The following KIF2A variants were observed in gnomAD, a reference collection of about 807,000 sequenced individuals.
KIF2A encodes the protein kinesin family member 2A.
A neutral mutation model predicts 100.2 loss-of-function variants in KIF2A; 22 were observed. The ratio of observed to expected loss-of-function variants is 0.22; its 90% confidence interval spans 0.16 to 0.31. The LOEUF (loss-of-function observed/expected upper bound fraction) is 0.31, where lower values mean the gene tolerates loss of function less well. KIF2A is among the 10% of genes least tolerant of loss of function. The pLI, the probability that KIF2A is intolerant of heterozygous loss-of-function variation, is 1.00. For synonymous variants in KIF2A, 268 were observed against 285.9 expected (o/e 0.94, Z 0.63); for missense variants, 495 against 898.7 (o/e 0.55, Z 5.74).
chr5:62,331,125 G>T (rs1746617652), intron 1 of KIF2A, among the ~76,000 whole-genome samples: 1 of 152,036 alleles, frequency 6.6e-6, no homozygotes, highest in African/African-American at 2.4e-5. Context: ...TTTTATAAAG[G>T]TCTAGGCTGG....
At chr5:62,340,607 C>T (rs1747245879) in intron 1 of KIF2A, among the ~76,000 whole-genome samples, 1 of 152,156 alleles carries the variant, frequency 6.6e-6, no homozygotes, top group Non-Finnish European at 1.5e-5. Flanking sequence ...TGGCATCATT[C>T]TCCCAGTCAT....
intron 1 of KIF2A, among the ~76,000 whole-genome samples, chr5:62,315,121 G>A (rs527552158): frequency 6.6e-6 from 1 of 151,996 alleles, no homozygotes; most frequent in Non-Finnish European, 1.5e-5. Flanking sequence ...TTTCCACTAT[G>A]GTGTCATGTT....
At chr5:62,310,070 C>A (rs10645782) in intron 1 of KIF2A, among the ~76,000 whole-genome samples, 74,729 of 142,724 alleles carry the variant, frequency 0.52, 19,869 homozygotes, top group South Asian at 0.65. Flanking sequence ...ACTAATAATT[C>A]TTTTTTTTTT....
chr5:62,389,175 C>A lies in KIF2A; in HGVS notation c.*3606C>A. 1 of 774,908 alleles carries A rather than the reference C, an allele frequency of 1.3e-6. No individual in the cohort carries two copies. Among genetic ancestry groups the A allele is most frequent in the Non-Finnish European group, 2.0e-6 (1 of 491,110 alleles). 48.0% of individuals were successfully genotyped at this position (774,908 alleles called of 1,614,324 possible). The stretch of plus-strand genomic sequence containing the variant: ...GCATGCTTACAGAGCCCACCCACTC[C>A]TAATACTAGTTATTAAAGAAACGTT... On this transcript the variant is annotated 3_prime_UTR_variant, in exon 21 of 21. Coordinates refer to ENST00000407818, the MANE Select transcript of KIF2A (RefSeq NM_001098511.3).
At chr5:62,308,419 C>A in intron 1 of KIF2A, 2 of 1,209,062 alleles carry the variant, frequency 1.7e-6, no homozygotes, top group South Asian at 1.3e-5. Context: ...GAGAGGAAAT[C>A]ACCACCTTGT....
Position 62,389,095 on chromosome 5 carries a change from T to C in KIF2A, c.*3526T>C, listed in dbSNP as rs1203622026. The C allele has an allele frequency of 1.3e-6, 2 of 1,542,532 alleles. No individual in the cohort carries two copies. The highest frequency in any genetic ancestry group is 2.3e-5 in the South Asian group (2 of 88,316). On this transcript the variant is annotated 3_prime_UTR_variant, in exon 21 of 21. Transcript: ENST00000407818. ...AATGGAATGGTACTGAAAAGCTAAT[T>C]TGTAGCACATAACGGTATATAGTTC...
intron 1 of KIF2A, among the ~76,000 whole-genome samples, chr5:62,324,237 C>T (rs1746250307): frequency 6.6e-6 from 1 of 151,986 alleles, no homozygotes; most frequent in Non-Finnish European, 1.5e-5. Context: ...AAAAACATTC[C>T]ATGATCATGG....
intron 1 of KIF2A, among the ~76,000 whole-genome samples, chr5:62,311,328 G>A (rs562746312): frequency 3.3e-5 from 5 of 152,168 alleles, no homozygotes; most frequent in East Asian, 1.9e-4. Flanking sequence ...AGGCACCAGC[G>A]AGCAGTGTTA....
Position 62,390,818 on chromosome 5 carries a change from A to G in KIF2A, c.*5249A>G, listed in dbSNP as rs558683005. 130 of 1,412,154 alleles carry G rather than the reference A, an allele frequency of 9.2e-5. No homozygotes were observed. The African/African-American group carries it at 1.4e-3, about 15-fold the overall frequency. 87.5% of individuals were successfully genotyped at this position (1,412,154 alleles called of 1,614,324 possible). On this transcript the variant is annotated 3_prime_UTR_variant, in exon 21 of 21. Coordinates refer to ENST00000407818, the MANE Select transcript of KIF2A (RefSeq NM_001098511.3). ...CGCTTAAAAGCCTTTAAAATCTCCA[A>G]TCTGAAGGTGTCACAGTAAAGAAAT...
At position 62,383,662 on chromosome 5, in the gene KIF2A, ATT is replaced by A. The variant is rs368400283; in HGVS notation, c.2150-1820_2150-1819del. Among the ~76,000 whole-genome samples, 1,003 of 152,132 alleles carry A rather than the reference ATT, an allele frequency of 6.6e-3. 18 individuals carry two copies. The highest frequency in any genetic ancestry group is 0.023 in the African/African-American group (956 of 41,488). ...CAGTGACTGTTGAACTAAAATTTTCATTTGTTTCTCATATTGTTCATATTCAA... is the reference window on the plus strand; with the variant it reads ...CAGTGACTGTTGAACTAAAATTTTCATGTTTCTCATATTGTTCATATTCAA... On this transcript the variant is annotated intron_variant, in intron 20 of 20. Transcript: ENST00000407818.
intron 1 of KIF2A, among the ~76,000 whole-genome samples, chr5:62,308,921 A>AATTC (rs3028784): frequency 2.0e-5 from 3 of 151,630 alleles, no homozygotes; most frequent in African/African-American, 7.3e-5. Flanking sequence ...TTGTTAAAGT[A>AATTC]TGTGAAATGA....
intron 1 of KIF2A, among the ~76,000 whole-genome samples, chr5:62,331,693 G>C (rs1746657021): frequency 6.6e-6 from 1 of 151,856 alleles, no homozygotes; most frequent in African/African-American, 2.4e-5. Flanking sequence ...TGTTCACTTT[G>C]GGGGAAGACT....
At chr5:62,325,016 A>C (rs1746292955) in intron 1 of KIF2A, among the ~76,000 whole-genome samples, 1 of 152,200 alleles carries the variant, frequency 6.6e-6, no homozygotes, top group South Asian at 2.1e-4. Context: ...CAGTCCCATT[A>C]AAAAATGGGC....
chr5:62,306,691 A>C (rs1027184111), intron 1 of KIF2A, among the ~76,000 whole-genome samples, 155 bp downstream of exon 1: 3 of 151,924 alleles, frequency 2.0e-5, no homozygotes, highest in Admixed American at 2.0e-4. Flanking sequence ...CGTGTGTGCC[A>C]GTGAGGCCGG....
chr5:62,341,900 T>G (rs1272926288), intron 1 of KIF2A, among the ~76,000 whole-genome samples: 1 of 152,208 alleles, frequency 6.6e-6, no homozygotes, highest in African/African-American at 2.4e-5. Flanking sequence ...AGATCCACCT[T>G]GGTAACTCAT....
chr5:62,356,942 T>C (rs1169189184), intron 7 of KIF2A, among the ~76,000 whole-genome samples: 4 of 147,094 alleles, frequency 2.7e-5, no homozygotes, highest in South Asian at 2.2e-4. Flanking sequence ...TGCACCACCA[T>C]GCCCAGCTAG....
intron 1 of KIF2A, among the ~76,000 whole-genome samples, chr5:62,324,866 CTAAT>C (rs897062904): frequency 6.6e-6 from 1 of 152,062 alleles, no homozygotes; most frequent in African/African-American, 2.4e-5. Context: ...CAAATAGGAG[CTAAT>C]TAAAGAGCTT....
intron 14 of KIF2A, among the ~76,000 whole-genome samples, chr5:62,364,340 G>T (rs1189036337): frequency 6.6e-6 from 1 of 152,050 alleles, no homozygotes; most frequent in Non-Finnish European, 1.5e-5. Context: ...TAGATATGGG[G>T]TTTCACCATG....
At chr5:62,328,462 T>C (rs569932959) in intron 1 of KIF2A, among the ~76,000 whole-genome samples, 28 of 152,170 alleles carry the variant, frequency 1.8e-4, no homozygotes, top group Non-Finnish European at 3.2e-4. Flanking sequence ...GCCCCAAATA[T>C]GCTGAACAAC....
Sources: allele counts gnomAD v4.1 joint callset (sites outside exome capture counted in the v4.1 genomes callset), GRCh38; gene constraint gnomAD v4.1.1; transcripts MANE v1.5; gene names NCBI Gene and HGNC (gene_info 2026-07-23, HGNC 2026-07-21).